Variants in C12orf56 observed in about 807,000 individuals in gnomAD.
C12orf56 encodes chromosome 12 open reading frame 56, also known as uncharacterized protein C12orf56.
C12orf56 carries 71 observed loss-of-function variants against 69.9 expected under a neutral mutation model. The ratio of observed to expected loss-of-function variants is 1.02; its 90% confidence interval spans 0.84 to 1.24. The LOEUF (loss-of-function observed/expected upper bound fraction) is 1.24. C12orf56 is among the 50% of genes most tolerant of loss of function. The pLI is 0.00. For synonymous variants in C12orf56, 276 were observed against 274.1 expected (o/e 1.01, Z -0.07); for missense variants, 732 against 738.5 (o/e 0.99, Z 0.10).
rs564064399 is a variant in C12orf56 at position 64,367,953 on chromosome 12, G to T, written c.253-14897C>A. Reference sequence around the variant, plus strand: ...CTCCGGAGTAGCTGGGATTACAGGTGCATGCCACCACGCCCAGCTAATTTT... The same window carrying T: ...CTCCGGAGTAGCTGGGATTACAGGTTCATGCCACCACGCCCAGCTAATTTT... On this transcript the variant is annotated intron_variant, in intron 1 of 12. Transcript: ENST00000543942. Among the ~76,000 whole-genome samples the T allele has an allele frequency of 3.8e-3, 574 of 151,258 alleles. 2 individuals are homozygous for T. Among genetic ancestry groups the T allele is most frequent in the Non-Finnish European group, 6.0e-3 (409 of 67,878 alleles).
chr12:64,388,822 A>C (rs1336018036), intron 1 of C12orf56, among the ~76,000 whole-genome samples: 1 of 152,170 alleles, frequency 6.6e-6, no homozygotes, highest in Non-Finnish European at 1.5e-5. Flanking sequence ...GTGCCACTGC[A>C]CTCCAGCCTG....
At chr12:64,277,451 TATATTA>T (rs2038066088) in intron 9 of C12orf56, among the ~76,000 whole-genome samples, 1 of 152,096 alleles carries the variant, frequency 6.6e-6, no homozygotes, top group Non-Finnish European at 1.5e-5. Context: ...ATAAAAGGGA[TATATTA>T]ATATTGACTG....
chr12:64,306,998 A>T (rs1204352586), intron 5 of C12orf56, among the ~76,000 whole-genome samples: 1 of 152,186 alleles, frequency 6.6e-6, no homozygotes, highest in African/African-American at 2.4e-5. Flanking sequence ...TTCAGGAATT[A>T]ACTTAGTAAT....
chr12:64,387,594 G>T (rs1170933824), intron 1 of C12orf56, among the ~76,000 whole-genome samples: 1 of 152,096 alleles, frequency 6.6e-6, no homozygotes, highest in Non-Finnish European at 1.5e-5. Flanking sequence ...AGGCCAAGGT[G>T]GGTGGATCGT....
intron 1 of C12orf56, among the ~76,000 whole-genome samples, chr12:64,358,478 T>TC (rs1171540059): frequency 0.023 from 1,839 of 80,924 alleles, 39 homozygotes; most frequent in African/African-American, 0.064. Flanking sequence ...ATAATAATAA[T>TC]AATAATCATC....
chr12:64,364,940 C>T (rs11175366), intron 1 of C12orf56, among the ~76,000 whole-genome samples: 25,799 of 151,866 alleles, frequency 0.17, 2,632 homozygotes, highest in East Asian at 0.36. Flanking sequence ...AGCCCACTGC[C>T]CCATCCTTCC....
At position 64,286,055 on chromosome 12, in the gene C12orf56, A is replaced by G; in HGVS notation, c.1119T>C (p.Ser373=). 6.3e-7 allele frequency: 1 copy of G among 1,591,306 alleles called. No homozygotes were observed. Among genetic ancestry groups the G allele is most frequent in the East Asian group, 2.2e-5 (1 of 44,736 alleles). ...TGTTTACTATGAAATAGAAAAGGTC[A>G]CTGGTCTGTGAAAGCAAGTTGGAAA... is the stretch of plus-strand genomic sequence containing the variant. The part of the protein sequence containing the change: ...FILKRLFWKT[S]DLFYFIVNKL... The change falls in exon 7 of 13, where the codon AGT becomes AGC. Residue 373 remains serine (S), a synonymous_variant. Coordinates refer to ENST00000543942, the MANE Select transcript of C12orf56 (RefSeq NM_001170633.2).
At chr12:64,365,735 G>C (rs1297706516) in intron 1 of C12orf56, among the ~76,000 whole-genome samples, 2 of 140,700 alleles carry the variant, frequency 1.4e-5, no homozygotes, top group Non-Finnish European at 3.0e-5. Flanking sequence ...ATAATATATA[G>C]TTTATATAAT....
intron 3 of C12orf56, among the ~76,000 whole-genome samples, chr12:64,328,696 AAAAAAAAAAAATATATATAT>A (rs1348188351): frequency 0.012 from 233 of 19,282 alleles, no homozygotes; most frequent in African/African-American, 0.039. Flanking sequence ...AAAAAAAAAA[AAAAAAAAAAAATATATATAT>A]ATATATATAT....
At chr12:64,275,490 C>G (rs10878132) in intron 9 of C12orf56, 118 bp from the exon 10 acceptor site, 344,731 of 475,442 alleles carry the variant, frequency 0.73, 127,730 homozygotes, top group Non-Finnish European at 0.78. Flanking sequence ...GAGACAAGGT[C>G]TCATGCTGCC....
In C12orf56 at chr12:64,276,909, A is replaced by T. The variant is rs536330281; in HGVS notation, c.1434+771T>A. Among the ~76,000 whole-genome samples, 195 of 143,314 alleles carry T rather than the reference A, an allele frequency of 1.4e-3. 1 individual carries two copies. Among genetic ancestry groups the T allele is most frequent in the African/African-American group, 4.6e-3 (183 of 39,438 alleles). The allele number at this position is 143,314 out of a possible 152,430, so 94.0% of individuals were successfully genotyped here. On this transcript the variant is annotated intron_variant, in intron 9 of 12. Transcript: ENST00000543942. ...CTCAGGAGTCTGAAGTGAGAGCATT[A>T]CTTGAGCCTGGGAGGTCAAGTCTGC...
chr12:64,358,792 T>G (rs1169579740), intron 1 of C12orf56, among the ~76,000 whole-genome samples: 1 of 151,992 alleles, frequency 6.6e-6, no homozygotes, highest in Non-Finnish European at 1.5e-5. Context: ...AGACTCCATC[T>G]CCAAAAAATA....
At chr12:64,384,260 A>G (rs1275606093) in intron 1 of C12orf56, among the ~76,000 whole-genome samples, 1 of 152,030 alleles carries the variant, frequency 6.6e-6, no homozygotes, top group Admixed American at 6.6e-5. Context: ...TCCTTAATCT[A>G]TTCTGTTTAC....
intron 2 of C12orf56, among the ~76,000 whole-genome samples, chr12:64,341,668 A>G (rs2039076368): frequency 1.3e-5 from 2 of 152,202 alleles, no homozygotes; most frequent in Non-Finnish European, 2.9e-5. Flanking sequence ...CATTGAGTGC[A>G]GGATAGGCAA....
chr12:64,267,877 A>AT (rs551215664), intron 12 of C12orf56, among the ~76,000 whole-genome samples: 121 of 152,224 alleles, frequency 7.9e-4, no homozygotes, highest in African/African-American at 2.2e-3. Flanking sequence ...GGTTATCAGT[A>AT]TTTTTTTAAT....
Position 64,330,961 on chromosome 12 carries a change from TG to T in C12orf56, c.486del (p.Arg163GlyfsTer74). 1 of 1,552,230 alleles carries T rather than the reference TG, an allele frequency of 6.4e-7. No individual in the cohort carries two copies. Among genetic ancestry groups the T allele is most frequent in the Non-Finnish European group, 8.7e-7 (1 of 1,146,474 alleles). The stretch of plus-strand genomic sequence containing the variant: ...ACATACTCCAAACAACAATCTCACC[TG>T]AGAGGAGATTCTTTCAGACTTCTGG... ...KESRSLKESP[L>X]RDQQESSTPS... On this transcript the variant is annotated frameshift_variant and splice_region_variant, in exon 3 of 13. Transcript: ENST00000543942. LOFTEE classifies it high-confidence loss of function.
intron 1 of C12orf56, among the ~76,000 whole-genome samples, chr12:64,372,944 T>A (rs1289804861): frequency 6.6e-6 from 1 of 152,218 alleles, no homozygotes; most frequent in Admixed American, 6.5e-5. Flanking sequence ...TCTCTAAGAC[T>A]AAGCTTTTTA....
At chr12:64,342,818 A>T in intron 2 of C12orf56, among the ~76,000 whole-genome samples, 1 of 152,196 alleles carries the variant, frequency 6.6e-6, no homozygotes, top group East Asian at 1.9e-4. Context: ...GCCTTGCTCC[A>T]AAATCCTAGA....
chr12:64,277,158 T>G (rs1056921713), intron 9 of C12orf56, among the ~76,000 whole-genome samples: 1 of 152,120 alleles, frequency 6.6e-6, no homozygotes, highest in Non-Finnish European at 1.5e-5. Flanking sequence ...GTTTATTCTC[T>G]CAGAAGGTAT....
Sources: gnomAD v4.1 joint callset for allele counts (sites outside exome capture counted in the v4.1 genomes callset) on GRCh38, gnomAD v4.1.1 for gene constraint, MANE v1.5 for transcripts, NCBI Gene and HGNC (gene_info 2026-07-23, HGNC 2026-07-21) for gene names.